The following DLGAP2 variants were observed in gnomAD, a reference collection of about 807,000 sequenced individuals.
The protein encoded by DLGAP2 is DLG associated protein 2.
DLGAP2 carries 26 observed loss-of-function variants against 100.3 expected under a neutral mutation model. The observed-to-expected ratio is 0.26, with a 90% CI of 0.19 to 0.36. The LOEUF (loss-of-function observed/expected upper bound fraction) is 0.36. DLGAP2 is among the 10% of genes least tolerant of loss of function. The pLI is 1.00. For synonymous variants in DLGAP2, 886 were observed against 630.1 expected, an observed-to-expected ratio of 1.41 and a Z score of -6.08; for missense variants, 1,858 against 1,453.2, an observed-to-expected ratio of 1.28 and a Z score of -4.53.
At chr8:768,418 ATTTTT>A (rs58234397) in intron 1 of DLGAP2, among the ~76,000 whole-genome samples, 1 of 99,960 alleles carries the variant, frequency 1.0e-5, no homozygotes, top group Non-Finnish European at 1.9e-5. Context: ...GAAGGCGTTG[ATTTTT>A]TTTTTTTTTT....
intron 3 of DLGAP2, among the ~76,000 whole-genome samples, chr8:1,265,318 C>A (rs1430715668): frequency 6.6e-6 from 1 of 152,006 alleles, no homozygotes; most frequent in African/African-American, 2.4e-5. Context: ...TTAAATTGAC[C>A]ACTCTGTGGA....
intron 6 of DLGAP2, among the ~76,000 whole-genome samples, chr8:1,618,569 G>A (rs1797230638): frequency 6.6e-6 from 1 of 152,190 alleles, no homozygotes; most frequent in African/African-American, 2.4e-5. Context: ...GTGTGAAAAT[G>A]TGAAGAACCT....
chr8:1,353,346 A>G (rs1204171012), intron 3 of DLGAP2, among the ~76,000 whole-genome samples: 1 of 152,230 alleles, frequency 6.6e-6, no homozygotes, highest in Admixed American at 6.5e-5. Flanking sequence ...AAAGTAATGC[A>G]CATTCATTAG....
chr8:1,219,033 G>A (rs541703080), intron 2 of DLGAP2, among the ~76,000 whole-genome samples: 9 of 152,254 alleles, frequency 5.9e-5, no homozygotes, highest in South Asian at 4.1e-4. Context: ...CAGAAACTGC[G>A]GGGTTTTCTA....
At position 1,442,013 on chromosome 8, in the gene DLGAP2, C is replaced by T. The variant is rs1003892342; in HGVS notation, c.107-59353C>T. Among the ~76,000 whole-genome samples, 8 of 152,168 alleles carry T rather than the reference C, an allele frequency of 5.3e-5. No individual in the cohort carries two copies. In the South Asian group the frequency reaches 1.0e-3, roughly 20 times the overall value. Reference sequence around the variant, plus strand: ...CCTCAGCAAACTAACACAGGAAGAGCGTGACCAGTTTCTAAGGGGAACTGT... The same window carrying T: ...CCTCAGCAAACTAACACAGGAAGAGTGTGACCAGTTTCTAAGGGGAACTGT... On this transcript the variant is annotated intron_variant, in intron 3 of 14. Transcript: ENST00000637795.
intron 1 of DLGAP2, among the ~76,000 whole-genome samples, chr8:895,564 T>G (rs535385546): frequency 6.6e-6 from 1 of 152,302 alleles, no homozygotes; most frequent in South Asian, 2.1e-4. Flanking sequence ...AGAGCCACAT[T>G]GCATGGGGCC....
At chr8:919,446 C>G (rs571611119) in intron 2 of DLGAP2, among the ~76,000 whole-genome samples, 2 of 152,210 alleles carry the variant, frequency 1.3e-5, no homozygotes, top group African/African-American at 2.4e-5. Flanking sequence ...GTCTGTGAGT[C>G]CCCCCTGCTG....
chr8:979,651 G>A (rs75249870), intron 2 of DLGAP2, among the ~76,000 whole-genome samples: 10,340 of 152,280 alleles, frequency 0.068, 495 homozygotes, highest in Admixed American at 0.13. Context: ...CCCTCTGAGC[G>A]TCAGGAAGGG....
chr8:941,811 C>G (rs936618228), intron 2 of DLGAP2, among the ~76,000 whole-genome samples: 59 of 132,252 alleles, frequency 4.5e-4, no homozygotes, highest in Non-Finnish European at 8.9e-4. Context: ...TCAGTAGCCA[C>G]AAAATACATT....
At chr8:928,040 C>A (rs542291819) in intron 2 of DLGAP2, among the ~76,000 whole-genome samples, 1 of 152,254 alleles carries the variant, frequency 6.6e-6, no homozygotes, top group South Asian at 2.1e-4. Flanking sequence ...CCCGGGAGAA[C>A]GGGACCAGAG....
Position 1,192,274 on chromosome 8 carries a change from T to C in DLGAP2, c.74-66577T>C, listed in dbSNP as rs1053286261. Among the ~76,000 whole-genome samples, 9 of 152,342 alleles carry C rather than the reference T, an allele frequency of 5.9e-5. No homozygotes were observed. In the South Asian group the frequency reaches 1.0e-3, roughly 18 times the overall value. ...AATGGGTTTAGCCCTTGTTTTCAAG[T>C]ACTTATTTACGCTTATTAATTTTAA... On this transcript the variant is annotated intron_variant, in intron 2 of 14. Transcript: ENST00000637795.
chr8:1,663,824 G>A (rs1315239700), intron 8 of DLGAP2, among the ~76,000 whole-genome samples: 1 of 152,176 alleles, frequency 6.6e-6, no homozygotes, highest in African/African-American at 2.4e-5. Flanking sequence ...TTTTGATTTA[G>A]AGGAAGAGAG....
chr8:1,306,074 C>CAAAAAAAAAAAAAAAAAAAAAAAAAAAA (rs61647224), intron 3 of DLGAP2, among the ~76,000 whole-genome samples: 24 of 116,438 alleles, frequency 2.1e-4, no homozygotes, highest in East Asian at 6.3e-4. Flanking sequence ...AGAAATTAGG[C>CAAAAAAAAAAAAAAAAAAAAAAAAAAAA]AAAAAAAAAA....
intron 1 of DLGAP2, among the ~76,000 whole-genome samples, chr8:779,467 C>G (rs1440870566): frequency 4.2e-5 from 6 of 142,224 alleles, no homozygotes; most frequent in Middle Eastern, 3.6e-3. Context: ...TTCTTTCTTT[C>G]TTTTTTTTTT....
chr8:821,770 C>G (rs1796587028), intron 1 of DLGAP2, among the ~76,000 whole-genome samples: 1 of 152,156 alleles, frequency 6.6e-6, no homozygotes, highest in South Asian at 2.1e-4. Flanking sequence ...TATTATTTCT[C>G]TTTGGTTCAA....
chr8:1,620,930 C>T (rs1186417963), intron 6 of DLGAP2, among the ~76,000 whole-genome samples: 1 of 152,220 alleles, frequency 6.6e-6, no homozygotes, highest in South Asian at 2.1e-4. Flanking sequence ...TCCCAGAATG[C>T]CTTTCCCCCT....
intron 1 of DLGAP2, among the ~76,000 whole-genome samples, chr8:826,692 G>T (rs137951420): frequency 6.6e-6 from 1 of 152,106 alleles, no homozygotes; most frequent in Non-Finnish European, 1.5e-5. Flanking sequence ...TTCTCTGCCC[G>T]TCTGTGCTTC....
chr8:1,613,257 T>C (rs1250582384), intron 6 of DLGAP2, among the ~76,000 whole-genome samples: 11 of 143,860 alleles, frequency 7.6e-5, no homozygotes, highest in African/African-American at 2.9e-4. Flanking sequence ...ATGGATGAAA[T>C]TGGAAATCAT....
intron 2 of DLGAP2, among the ~76,000 whole-genome samples, chr8:1,194,587 C>A (rs1797710214): frequency 6.6e-6 from 1 of 152,170 alleles, no homozygotes; most frequent in Non-Finnish European, 1.5e-5. Context: ...CCTCAAGCAC[C>A]CACGCCTGCC....
Sources: allele counts gnomAD v4.1 joint callset (sites outside exome capture counted in the v4.1 genomes callset), GRCh38; gene constraint gnomAD v4.1.1; transcripts MANE v1.5; gene names NCBI Gene and HGNC (gene_info 2026-07-23, HGNC 2026-07-21).